The following PCDHA1 variants were observed in gnomAD, a reference collection of about 807,000 sequenced individuals.
PCDHA1 encodes protocadherin alpha 1.
A neutral mutation model predicts 61.3 loss-of-function variants in PCDHA1; 42 were observed. The ratio of observed to expected loss-of-function variants is 0.69; its 90% confidence interval spans 0.54 to 0.89. PCDHA1 has a LOEUF of 0.89. Among genes scored for constraint, PCDHA1 ranks in the 40% least tolerant of loss-of-function variants. The pLI is 0.00. For missense variants in PCDHA1, 1,256 were observed against 1,235.3 expected (o/e 1.02, Z -0.25); for synonymous variants, 610 against 553.8 (o/e 1.10, Z -1.43).
chr5:140,841,854 T>C (rs2150324158), intron 1 of PCDHA1: 6 of 1,613,730 alleles, frequency 3.7e-6, no homozygotes, highest in Non-Finnish European at 5.1e-6. Context: ...CATGATTACT[T>C]CATGCTAGAT....
chr5:140,972,583 T>G (rs1445659828), intron 1 of PCDHA1, among the ~76,000 whole-genome samples: 1 of 152,088 alleles, frequency 6.6e-6, no homozygotes, highest in African/African-American at 2.4e-5. Flanking sequence ...TAGGGCAGAA[T>G]TTCTCTTTGG....
rs369786229 is a variant in PCDHA1 at position 140,858,286 on chromosome 5, G to T, written c.2394+69602G>T. ...TGTGCTCTAGCGCGGTGGGGAGCTGGTCTTACTCGCAGCAGAGGCGGCAGA... is the reference window on the plus strand; with the variant it reads ...TGTGCTCTAGCGCGGTGGGGAGCTGTTCTTACTCGCAGCAGAGGCGGCAGA... On this transcript the variant is annotated intron_variant, in intron 1 of 3. Coordinates refer to ENST00000504120, the MANE Select transcript of PCDHA1 (RefSeq NM_018900.4). 5.0e-6 allele frequency: 8 copies of T among 1,597,506 alleles called. 1 individual carries two copies. Among genetic ancestry groups the T allele is most frequent in the Non-Finnish European group, 6.9e-6 (8 of 1,167,336 alleles).
At chr5:140,983,257 A>C (rs2097036264) in intron 3 of PCDHA1, among the ~76,000 whole-genome samples, 1 of 152,214 alleles carries the variant, frequency 6.6e-6, no homozygotes, top group Non-Finnish European at 1.5e-5. Context: ...GTTGTGTAAA[A>C]AACCTAATGG....
At chr5:140,953,127 G>T (rs909395659) in intron 1 of PCDHA1, among the ~76,000 whole-genome samples, 8 of 152,178 alleles carry the variant, frequency 5.3e-5, no homozygotes, top group African/African-American at 1.4e-4. Flanking sequence ...GATCTAAACC[G>T]TATCACTGTT....
At chr5:140,857,095 G>T (rs1253933979) in intron 1 of PCDHA1, 2 of 1,597,378 alleles carry the variant, frequency 1.3e-6, no homozygotes, top group Admixed American at 1.7e-5. Context: ...CACCTGAGGT[G>T]ATTGTCACTT....
At chr5:140,895,994 A>G (rs1554186774) in intron 1 of PCDHA1, among the ~76,000 whole-genome samples, 1 of 152,038 alleles carries the variant, frequency 6.6e-6, no homozygotes, top group Non-Finnish European at 1.5e-5. Context: ...TATTTTAAGT[A>G]GAGACAGGGT....
In PCDHA1 at chr5:140,822,757, C is replaced by G. The variant is rs2150119240; in HGVS notation, c.2394+34073C>G. On this transcript the variant is annotated intron_variant, in intron 1 of 3. Transcript: ENST00000504120. Reference sequence around the variant, plus strand: ...TGATGCCATGGATAAAAGTACATTCCCATTATCAGGACACTGTAAAGTAGT... The same window carrying G: ...TGATGCCATGGATAAAAGTACATTCGCATTATCAGGACACTGTAAAGTAGT... The G allele has an allele frequency of 5.7e-5, 92 of 1,613,752 alleles. No homozygotes were observed. The highest frequency in any genetic ancestry group is 8.0e-5 in the African/African-American group (6 of 74,906).
At chr5:140,909,451 G>T (rs1433382775) in intron 1 of PCDHA1, among the ~76,000 whole-genome samples, 1 of 152,216 alleles carries the variant, frequency 6.6e-6, no homozygotes, top group African/African-American at 2.4e-5. Flanking sequence ...CATTCTCCAA[G>T]ATCCATCTGT....
rs199624636 is a variant in PCDHA1, at chr5:141,009,721, C to T, written c.2637C>T (p.Ser879=). The change falls in exon 4 of 4, where the codon TCC becomes TCT. Residue 879 remains serine (S), a synonymous_variant. Coordinates refer to ENST00000504120, the MANE Select transcript of PCDHA1 (RefSeq NM_018900.4). ...FKYGPGNPKQ[S]GPGELPDKFI... ...ACGGACCAGGCAACCCCAAACAATCCGGTCCCGGTGAGTTGCCCGACAAAT... is the reference window on the plus strand; with the variant it reads ...ACGGACCAGGCAACCCCAAACAATCTGGTCCCGGTGAGTTGCCCGACAAAT... 1.3e-5 allele frequency: 21 copies of T among 1,614,012 alleles called. No individual in the cohort carries two copies. The highest frequency in any genetic ancestry group is 1.7e-5 in the Non-Finnish European group (20 of 1,180,038).
intron 1 of PCDHA1, among the ~76,000 whole-genome samples, chr5:140,839,681 GA>G (rs1261753126): frequency 6.6e-6 from 1 of 152,000 alleles, no homozygotes; most frequent in Non-Finnish European, 1.5e-5. Context: ...CAACTACAGA[GA>G]TTTTTTTGGG....
chr5:140,807,676 G>A (rs1554124190), intron 1 of PCDHA1: 3 of 1,614,196 alleles, frequency 1.9e-6, no homozygotes, highest in East Asian at 4.5e-5. Flanking sequence ...CAGATATCGG[G>A]GAGAACGCCC....
At chr5:140,877,730 A>C in intron 1 of PCDHA1, 1 of 1,614,146 alleles carries the variant, frequency 6.2e-7, no homozygotes, top group Non-Finnish European at 8.5e-7. Context: ...TACTCGCAGC[A>C]GAGGAGGCAG....
At chr5:140,801,878 A>G in intron 1 of PCDHA1, 3 of 1,614,182 alleles carry the variant, frequency 1.9e-6, no homozygotes, top group Non-Finnish European at 1.7e-6. Context: ...GCACGACTCA[A>G]CTAAAGATCA....
At chr5:140,873,858 A>G (rs1238963531) in intron 1 of PCDHA1, among the ~76,000 whole-genome samples, 9 of 152,022 alleles carry the variant, frequency 5.9e-5, no homozygotes, top group African/African-American at 1.9e-4. Context: ...ATGGGTTTTC[A>G]CCATGTTGGC....
intron 1 of PCDHA1, among the ~76,000 whole-genome samples, chr5:140,942,781 A>G (rs1554215214): frequency 6.6e-6 from 1 of 152,214 alleles, no homozygotes; most frequent in Admixed American, 6.5e-5. Context: ...TTTAGGCAGA[A>G]TATTACAAAG....
intron 1 of PCDHA1, chr5:140,928,771 A>C: frequency 6.2e-7 from 1 of 1,613,998 alleles, no homozygotes; most frequent in Non-Finnish European, 8.5e-7. Context: ...AGTTCTTCCC[A>C]CTGATGCAGT....
intron 1 of PCDHA1, chr5:140,822,929 C>T: frequency 6.2e-7 from 1 of 1,614,266 alleles, no homozygotes. Flanking sequence ...GGGCAGGTGA[C>T]CTGCTCCCTA....
chr5:140,928,896 A>G, intron 1 of PCDHA1: 3 of 1,614,108 alleles, frequency 1.9e-6, no homozygotes, highest in Non-Finnish European at 2.5e-6. Context: ...CAGACTTTGA[A>G]GATGTCTGGG....
intron 1 of PCDHA1, chr5:140,870,212 T>C (rs2051764636): frequency 6.2e-7 from 1 of 1,614,076 alleles, no homozygotes; most frequent in Non-Finnish European, 8.5e-7. Context: ...GTCATTGCCC[T>C]GATCAGCGTG....
Sources: allele counts gnomAD v4.1 joint callset (sites outside exome capture counted in the v4.1 genomes callset), GRCh38; gene constraint gnomAD v4.1.1; transcripts MANE v1.5; gene names NCBI Gene and HGNC (gene_info 2026-07-23, HGNC 2026-07-21).